Variants in SIAH3 observed in about 807,000 individuals in gnomAD.
SIAH3 encodes the protein siah E3 ubiquitin protein ligase family member 3.
SIAH3 carries 9 observed loss-of-function variants against 12.6 expected under a neutral mutation model. That is an observed-to-expected ratio of 0.72 (90% CI 0.43 to 1.25). The LOEUF (loss-of-function observed/expected upper bound fraction) is 1.25, where lower values mean the gene tolerates loss of function less well. Among genes scored for constraint, SIAH3 ranks in the 50% most tolerant of loss-of-function variants. SIAH3 has a pLI of 0.00. For synonymous variants in SIAH3, 154 were observed against 151.1 expected, an observed-to-expected ratio of 1.02 and a Z score of -0.14; for missense variants, 390 against 365.4, an observed-to-expected ratio of 1.07 and a Z score of -0.55.
intron 1 of SIAH3, among the ~76,000 whole-genome samples, chr13:45,797,230 G>T (rs1039722271): frequency 1.3e-5 from 2 of 151,446 alleles, no homozygotes; most frequent in African/African-American, 2.4e-5. Flanking sequence ...ATTGGAAGGT[G>T]CTCACTTTCT....
intron 1 of SIAH3, among the ~76,000 whole-genome samples, chr13:45,847,123 A>G (rs1400075330): frequency 6.6e-6 from 1 of 152,242 alleles, no homozygotes; most frequent in Non-Finnish European, 1.5e-5. Context: ...TGAAATGCCC[A>G]GAGGACTGGG....
intron 1 of SIAH3, 54 bp from the exon 2 acceptor site, chr13:45,784,111 C>T (rs987633021): frequency 2.1e-5 from 31 of 1,481,144 alleles, no homozygotes; most frequent in South Asian, 1.9e-4. Flanking sequence ...TCTCCCAGGC[C>T]GCCACTCCCC....
chr13:45,834,165 A>G (rs1439447915), intron 1 of SIAH3, among the ~76,000 whole-genome samples: 1 of 152,208 alleles, frequency 6.6e-6, no homozygotes, highest in Non-Finnish European at 1.5e-5. Context: ...TAATCCCTGA[A>G]TGCCAATTTC....
chr13:45,813,290 G>C (rs1324146048), intron 1 of SIAH3, among the ~76,000 whole-genome samples: 1 of 152,224 alleles, frequency 6.6e-6, no homozygotes, highest in African/African-American at 2.4e-5. Flanking sequence ...AGTCTGTGAT[G>C]CTGTCATGCA....
intron 1 of SIAH3, among the ~76,000 whole-genome samples, chr13:45,826,484 G>A (rs1269359788): frequency 7.1e-5 from 10 of 140,554 alleles, no homozygotes; most frequent in East Asian, 2.2e-4. Flanking sequence ...TGGATGGATG[G>A]ATGGATGGGT....
intron 1 of SIAH3, among the ~76,000 whole-genome samples, chr13:45,809,436 T>G (rs111686929): frequency 1.2e-4 from 18 of 152,324 alleles, no homozygotes; most frequent in African/African-American, 4.3e-4. Context: ...CCGGGCCTCA[T>G]GGAGAAATTG....
chr13:45,799,928 C>G (rs1349811734), intron 1 of SIAH3, among the ~76,000 whole-genome samples: 2 of 152,196 alleles, frequency 1.3e-5, no homozygotes, highest in African/African-American at 4.8e-5. Context: ...ATTCCAAAGT[C>G]AAGCATGGGT....
intron 1 of SIAH3, among the ~76,000 whole-genome samples, chr13:45,803,773 G>T (rs1362098383): frequency 6.6e-6 from 1 of 152,060 alleles, no homozygotes; most frequent in Non-Finnish European, 1.5e-5. Context: ...TATGTATAAG[G>T]AGTTTGAGTC....
In SIAH3 at chr13:45,783,501, T is replaced by A; in HGVS notation, c.692A>T (p.Asp231Val). The A allele has an allele frequency of 6.2e-7, 1 of 1,614,178 alleles. No individual in the cohort carries two copies. The highest frequency in any genetic ancestry group is 8.5e-7 in the Non-Finnish European group (1 of 1,180,034). Reference sequence around the variant, plus strand: ...GGTGTTGAGGACGAGGCAGTCCCCGTCCGTAATCACCGAGTCCACGCACTC... The same window carrying A: ...GGTGTTGAGGACGAGGCAGTCCCCGACCGTAATCACCGAGTCCACGCACTC... Reference protein sequence around the residue: ...VLECVDSVITDGDCLVLNTSL... With the variant: ...VLECVDSVITVGDCLVLNTSL... The change falls in exon 2 of 2, where the codon GAC becomes GTC. Residue 231 changes from aspartate to valine, a missense_variant. Transcript: ENST00000400405.
chr13:45,803,759 G>A (rs1032442573), intron 1 of SIAH3, among the ~76,000 whole-genome samples: 11 of 152,096 alleles, frequency 7.2e-5, no homozygotes, highest in Non-Finnish European at 1.6e-4. Context: ...TAGCATAGAA[G>A]AGCTATGTAT....
At chr13:45,788,143 AT>A (rs1284456910) in intron 1 of SIAH3, among the ~76,000 whole-genome samples, 1 of 152,070 alleles carries the variant, frequency 6.6e-6, no homozygotes, top group Admixed American at 6.6e-5. Context: ...CACAACCTTA[AT>A]TTTTTATTTC....
At position 45,849,555 on chromosome 13, in the gene SIAH3, G is replaced by A. The variant is rs983575762; in HGVS notation, c.135+1940C>T. 7.5e-4 allele frequency among the ~76,000 whole-genome samples: 114 copies of A among 152,260 alleles called. 1 individual carries two copies. Among genetic ancestry groups the A allele is most frequent in the African/African-American group, 2.7e-3 (112 of 41,518 alleles). ...AGATGTTCATCAGCCCATTTAAAAGGTGAGGAAGGGAAGTCTCAAAGAGGT... is the reference window on the plus strand; with the variant it reads ...AGATGTTCATCAGCCCATTTAAAAGATGAGGAAGGGAAGTCTCAAAGAGGT... On this transcript the variant is annotated intron_variant, in intron 1 of 1. Coordinates refer to ENST00000400405, the MANE Select transcript of SIAH3 (RefSeq NM_198849.3).
At chr13:45,837,717 A>G (rs1397059417) in intron 1 of SIAH3, among the ~76,000 whole-genome samples, 2 of 152,188 alleles carry the variant, frequency 1.3e-5, no homozygotes, top group South Asian at 2.1e-4. Flanking sequence ...GCTTATATTT[A>G]CCATATTAAT....
rs1309787317 is a variant in SIAH3, at chr13:45,813,938, A to G, written c.136-29881T>C. 3.3e-5 allele frequency among the ~76,000 whole-genome samples: 5 copies of G among 152,164 alleles called. No individual in the cohort carries two copies. The East Asian group carries it at 9.6e-4, about 29-fold the overall frequency. ...ATTTCAATATATGAATCTTGGGGTG[A>G]TAAAAAATACAGTCCATAGGCCGGG... is the stretch of plus-strand genomic sequence containing the variant. On this transcript the variant is annotated intron_variant, in intron 1 of 1. Coordinates refer to ENST00000400405, the MANE Select transcript of SIAH3 (RefSeq NM_198849.3).
At chr13:45,808,197 G>C (rs7334569) in intron 1 of SIAH3, among the ~76,000 whole-genome samples, 49,245 of 151,946 alleles carry the variant, frequency 0.32, 8,870 homozygotes, top group Non-Finnish European at 0.41. Context: ...GTAGACTGAA[G>C]AAAGTGATGA....
chr13:45,809,364 A>C (rs1009853980), intron 1 of SIAH3, among the ~76,000 whole-genome samples: 1 of 152,260 alleles, frequency 6.6e-6, no homozygotes, highest in African/African-American at 2.4e-5. Context: ...CAGAATCAGA[A>C]TCTCTGGACA....
Position 45,851,422 on chromosome 13 carries a change from G to A in SIAH3, c.135+73C>T, listed in dbSNP as rs528510004. The A allele has an allele frequency of 9.0e-5, 144 of 1,594,020 alleles. 1 individual carries two copies. Among genetic ancestry groups the A allele is most frequent in the African/African-American group, 7.9e-4 (59 of 74,422 alleles). ...TTGCAAAGGGCTGCACACGTTCGCC[G>A]GAGGGTCGCTGCCGCCTCCGAGAAA... On this transcript the variant is annotated intron_variant, in intron 1 of 1. Transcript: ENST00000400405.
At chr13:45,809,959 A>C (rs1950610944) in intron 1 of SIAH3, among the ~76,000 whole-genome samples, 1 of 152,250 alleles carries the variant, frequency 6.6e-6, no homozygotes, top group South Asian at 2.1e-4. Context: ...CTCTGTTTAG[A>C]ACTTCTTTCA....
At chr13:45,789,184 A>T (rs1024596454) in intron 1 of SIAH3, among the ~76,000 whole-genome samples, 1 of 152,242 alleles carries the variant, frequency 6.6e-6, no homozygotes, top group Non-Finnish European at 1.5e-5. Flanking sequence ...ACCACCTGGG[A>T]TAGGAACATC....
Sources: gnomAD v4.1 joint callset for allele counts (sites outside exome capture counted in the v4.1 genomes callset) on GRCh38, gnomAD v4.1.1 for gene constraint, MANE v1.5 for transcripts, NCBI Gene and HGNC (gene_info 2026-07-23, HGNC 2026-07-21) for gene names.